Variants in ANKHD1 observed in about 807,000 individuals in gnomAD.
ANKHD1 encodes the protein ankyrin repeat and KH domain containing 1, also known as ankyrin repeat and KH domain-containing protein 1.
Under a neutral mutation model 230.5 loss-of-function variants are expected in ANKHD1, and 31 were observed. The ratio of observed to expected loss-of-function variants is 0.13; its 90% CI spans 0.10 to 0.18. The LOEUF (loss-of-function observed/expected upper bound fraction) is 0.18, where lower values mean the gene tolerates loss of function less well. Among genes scored for constraint, ANKHD1 ranks in the 10% least tolerant of loss-of-function variants. The probability of loss-of-function intolerance (pLI) is 1.00; values close to 1 mark genes in which losing one functional copy is unlikely to be tolerated. For missense variants in ANKHD1, 2,256 were observed against 3,071.3 expected, an observed-to-expected ratio of 0.73 and a Z score of 6.27; for synonymous variants, 1,074 against 1,117.6, an observed-to-expected ratio of 0.96 and a Z score of 0.78.
chr5:140,514,187 TAAAA>T (rs141993613), intron 24 of ANKHD1, among the ~76,000 whole-genome samples: 5 of 111,452 alleles, frequency 4.5e-5, no homozygotes, highest in South Asian at 5.6e-4. Flanking sequence ...CTCTCTCTAT[TAAAA>T]AAAAAAAAAA....
chr5:140,454,142 AT>A (rs1299015670), intron 7 of ANKHD1, among the ~76,000 whole-genome samples: 2 of 152,226 alleles, frequency 1.3e-5, no homozygotes, highest in African/African-American at 4.8e-5. Flanking sequence ...AAAGGGATCA[AT>A]TCAACAAGAA....
intron 24 of ANKHD1, among the ~76,000 whole-genome samples, chr5:140,521,045 G>A (rs575756943): frequency 1.3e-5 from 2 of 152,034 alleles, no homozygotes; most frequent in Non-Finnish European, 2.9e-5. Flanking sequence ...CCTGGAAAAT[G>A]ACAGTGTTGA....
chr5:140,415,391 A>G (rs1427520737), intron 1 of ANKHD1, among the ~76,000 whole-genome samples: 1 of 151,980 alleles, frequency 6.6e-6, no homozygotes, highest in African/African-American at 2.4e-5. Flanking sequence ...TAAGAAAAAA[A>G]AAAAGAGTTT....
intron 24 of ANKHD1, among the ~76,000 whole-genome samples, chr5:140,516,485 A>G (rs1015792644): frequency 6.6e-6 from 1 of 152,098 alleles, no homozygotes; most frequent in Non-Finnish European, 1.5e-5. Flanking sequence ...TCCAAGACAC[A>G]TAATTGTCAG....
intron 10 of ANKHD1, among the ~76,000 whole-genome samples, chr5:140,469,828 A>T (rs1776365720): frequency 6.6e-6 from 1 of 151,114 alleles, no homozygotes; most frequent in South Asian, 2.1e-4. Context: ...ATGTGTATAT[A>T]TGTATATATA....
intron 1 of ANKHD1, among the ~76,000 whole-genome samples, chr5:140,420,875 G>A (rs1374760018): frequency 6.6e-6 from 1 of 152,108 alleles, no homozygotes; most frequent in Non-Finnish European, 1.5e-5. Flanking sequence ...TATAGTAGGA[G>A]GTGTTTAATA....
At chr5:140,534,865 T>TC (rs1754002328) in intron 29 of ANKHD1, among the ~76,000 whole-genome samples, 1 of 152,244 alleles carries the variant, frequency 6.6e-6, no homozygotes, top group Admixed American at 6.5e-5. Context: ...AATACTGAAA[T>TC]TATCCTCAGT....
intron 7 of ANKHD1, among the ~76,000 whole-genome samples, chr5:140,455,220 T>G (rs1036949524): frequency 1.3e-5 from 2 of 152,088 alleles, no homozygotes; most frequent in African/African-American, 4.8e-5. Context: ...AGGCAATAAT[T>G]AATAGCCTAC....
intron 10 of ANKHD1, among the ~76,000 whole-genome samples, chr5:140,474,472 G>A (rs111441151): frequency 0.023 from 3,544 of 151,544 alleles, 70 homozygotes; most frequent in Non-Finnish European, 0.038. Context: ...ATTTTTTAAG[G>A]GAAATTAACT....
Position 140,440,257 on chromosome 5 carries a change from A to G in ANKHD1, c.756A>G (p.Glu252=), listed in dbSNP as rs1279691706. 1.2e-6 allele frequency: 2 copies of G among 1,608,032 alleles called. No individual in the cohort carries two copies. The highest frequency in any genetic ancestry group is 1.1e-5 in the South Asian group (1 of 89,984). ...TGGCTTGTTCAGCAGGGTATTATGAATTAGCACAAGTAAGCAGAAATAATC... is the reference window on the plus strand; with the variant it reads ...TGGCTTGTTCAGCAGGGTATTATGAGTTAGCACAAGTAAGCAGAAATAATC... ...LCLACSAGYY[E]LAQVLLAMHA... The change falls in exon 4 of 34, where the codon GAA becomes GAG. Residue 252 remains glutamate, a synonymous_variant. Transcript: ENST00000360839.
At chr5:140,411,447 C>T (rs76306733) in intron 1 of ANKHD1, among the ~76,000 whole-genome samples, 1,870 of 150,176 alleles carry the variant, frequency 0.012, 34 homozygotes, top group African/African-American at 0.043. Context: ...TTATAAATGC[C>T]TCTTTCAAAC....
At chr5:140,520,738 A>C (rs991767386) in intron 24 of ANKHD1, among the ~76,000 whole-genome samples, 1 of 135,246 alleles carries the variant, frequency 7.4e-6, no homozygotes. Context: ...ATGAGAACAC[A>C]TGGACACAGG....
At chr5:140,458,262 G>A (rs1775367222) in intron 7 of ANKHD1, among the ~76,000 whole-genome samples, 1 of 152,108 alleles carries the variant, frequency 6.6e-6, no homozygotes, top group Admixed American at 6.6e-5. Context: ...CCTGGCAGTA[G>A]TATAATCTTG....
At chr5:140,479,727 C>CATAGGTATATATAT (rs1245999029) in intron 10 of ANKHD1, among the ~76,000 whole-genome samples, 2 of 90,308 alleles carry the variant, frequency 2.2e-5, no homozygotes, top group Non-Finnish European at 5.0e-5. Flanking sequence ...TATATACATA[C>CATAGGTATATATAT]ATAGGTATAT....
chr5:140,449,077 C>G, intron 6 of ANKHD1, 134 bp from the exon 7 acceptor site: 1 of 888,566 alleles, frequency 1.1e-6, no homozygotes, highest in Non-Finnish European at 1.6e-6. Context: ...AAAACTGTTA[C>G]TGATTTATTT....
chr5:140,519,664 A>G (rs1179655037), intron 24 of ANKHD1, among the ~76,000 whole-genome samples: 3 of 152,214 alleles, frequency 2.0e-5, no homozygotes, highest in African/African-American at 7.2e-5. Context: ...CCTGAGAAAA[A>G]CAAGCAATGG....
chr5:140,458,465 G>T (rs1278055907), intron 7 of ANKHD1, among the ~76,000 whole-genome samples, 160 bp from the exon 8 acceptor site: 3 of 151,986 alleles, frequency 2.0e-5, no homozygotes, highest in African/African-American at 7.3e-5. Flanking sequence ...TTTTGATAAG[G>T]CTCAGATGAG....
At chr5:140,409,104 T>C (rs766852496) in intron 1 of ANKHD1, among the ~76,000 whole-genome samples, 70 of 152,302 alleles carry the variant, frequency 4.6e-4, no homozygotes, top group Admixed American at 1.2e-3. Flanking sequence ...GGTTGAGAGC[T>C]ACCGGTCTAG....
intron 1 of ANKHD1, among the ~76,000 whole-genome samples, chr5:140,434,597 T>A (rs1300591093): frequency 6.6e-6 from 1 of 151,888 alleles, no homozygotes; most frequent in East Asian, 1.9e-4. Context: ...TTTAGCAAAA[T>A]AAGAATCATA....
Sources: gnomAD v4.1 joint callset for allele counts (sites outside exome capture counted in the v4.1 genomes callset) on GRCh38, gnomAD v4.1.1 for gene constraint, MANE v1.5 for transcripts, NCBI Gene and HGNC (gene_info 2026-07-23, HGNC 2026-07-21) for gene names.